Variants in E2F1 observed in about 807,000 individuals in gnomAD.
E2F1 encodes the protein E2F transcription factor 1, also known as transcription factor E2F1.
Under a neutral mutation model 36.9 loss-of-function variants are expected in E2F1, and 7 were observed. That is an observed-to-expected ratio of 0.19 (90% CI 0.11 to 0.36). The LOEUF (loss-of-function observed/expected upper bound fraction) is 0.36. Among genes scored for constraint, E2F1 ranks in the 10% least tolerant of loss-of-function variants. The pLI, the probability that E2F1 is intolerant of heterozygous loss-of-function variation, is 1.00. For missense variants in E2F1, 406 were observed against 573.6 expected (o/e 0.71, Z 2.99); for synonymous variants, 261 against 263.1 (o/e 0.99, Z 0.08).
Position 33,676,423 on chromosome 20 carries a change from CACAG to C in E2F1, c.*305_*308del. The C allele has an allele frequency of 3.1e-6, 1 of 317,738 alleles. No individual in the cohort carries two copies. Among genetic ancestry groups the C allele is most frequent in the East Asian group, 6.2e-5 (1 of 16,242 alleles). The allele number at this position is 317,738 out of a possible 1,614,324, so 19.7% of individuals were successfully genotyped here. ...CACTGGGGCGTGTCTGCAGTGCACA[CACAG>C]AGGTGTATGTTCACCTTCATTCCCC... On this transcript the variant is annotated 3_prime_UTR_variant, in exon 7 of 7. Coordinates refer to ENST00000343380, the MANE Select transcript of E2F1 (RefSeq NM_005225.3).
In E2F1 at chr20:33,679,248, A is replaced by T. The variant is rs1278827917; in HGVS notation, c.572+507T>A. On this transcript the variant is annotated intron_variant, in intron 3 of 6. Transcript: ENST00000343380. The surrounding 1 kb of genome is among the most constrained non-coding windows in gnomAD (Gnocchi z 4.6). ...TGAATGGTGGCAACCCAGATGAATAAATATATAAAGCTGCGCGGGGCGCAG... is the reference window on the plus strand; with the variant it reads ...TGAATGGTGGCAACCCAGATGAATATATATATAAAGCTGCGCGGGGCGCAG... Among the ~76,000 whole-genome samples the T allele has an allele frequency of 6.6e-6, 1 of 152,190 alleles. No individual in the cohort carries two copies. Among genetic ancestry groups the T allele is most frequent in the African/African-American group, 2.4e-5 (1 of 41,464 alleles).
rs1320776029 is a variant in E2F1, at chr20:33,680,435, G to A, written c.262-19C>T. ...GCTTCACCTGTGGCGAAAACGGGAG[G>A]ATGCCCAGTAACCAGGAGTGAGGCC... On this transcript the variant is annotated intron_variant, in intron 1 of 6. Transcript: ENST00000343380. The A allele has an allele frequency of 6.2e-7, 1 of 1,611,176 alleles. No individual in the cohort carries two copies. The highest frequency in any genetic ancestry group is 1.7e-5 in the Admixed American group (1 of 59,752).
chr20:33,683,836 A>C (rs992207332), intron 1 of E2F1, among the ~76,000 whole-genome samples: 13 of 152,234 alleles, frequency 8.5e-5, no homozygotes, highest in Admixed American at 7.9e-4. Context: ...TATTATAGTT[A>C]TAATACTTGA....
chr20:33,681,559 G>A (rs929612845), intron 1 of E2F1, among the ~76,000 whole-genome samples: 3 of 152,060 alleles, frequency 2.0e-5, no homozygotes, highest in Non-Finnish European at 2.9e-5. Context: ...TACCCAAGAC[G>A]GTCTGAGGAA....
At chr20:33,685,935 C>G (rs1433693549) in intron 1 of E2F1, 69 bp downstream of exon 1, 1 of 1,076,174 alleles carries the variant, frequency 9.3e-7, no homozygotes, top group East Asian at 6.1e-5. Flanking sequence ...AGGCCAAACA[C>G]GGCGCCCTCC....
intron 1 of E2F1, among the ~76,000 whole-genome samples, chr20:33,684,217 C>G (rs1421036539): frequency 1.3e-5 from 2 of 152,212 alleles, no homozygotes; most frequent in Non-Finnish European, 2.9e-5. Context: ...GATCCTAGAA[C>G]CCATAATCCT....
At position 33,676,452 on chromosome 20, in the gene E2F1, C is replaced by T. The variant is rs541170955; in HGVS notation, c.*280G>A. ...GAGGTGTATGTTCACCTTCATTCCC[C>T]GGTACATGCACACACACATGCTCAC... On this transcript the variant is annotated 3_prime_UTR_variant, in exon 7 of 7. Coordinates refer to ENST00000343380, the MANE Select transcript of E2F1 (RefSeq NM_005225.3). The T allele has an allele frequency of 4.8e-5, 19 of 396,980 alleles. No homozygotes were observed. Among genetic ancestry groups the T allele is most frequent in the African/African-American group, 3.1e-4 (15 of 48,890 alleles). The allele number at this position is 396,980 out of a possible 1,614,324, so 24.6% of individuals were successfully genotyped here. A position where few individuals can be genotyped will look rare whatever the true frequency, so the allele number is the denominator to read the frequency against.
chr20:33,683,450 CAAA>C (rs60838396), intron 1 of E2F1, among the ~76,000 whole-genome samples: 6 of 54,758 alleles, frequency 1.1e-4, no homozygotes, highest in African/African-American at 1.1e-4. Context: ...GACTTCATCT[CAAA>C]AAAAAAAAAA....
rs780712505 is a variant in E2F1 at position 33,679,738 on chromosome 20, G to A, written c.572+17C>T. Reference sequence around the variant, plus strand: ...CATGGGCAGGTGTGCCTGCCCTCCTGTGTGGCCGGTACCTACAGCCACTGG... The same window carrying A: ...CATGGGCAGGTGTGCCTGCCCTCCTATGTGGCCGGTACCTACAGCCACTGG... On this transcript the variant is annotated intron_variant, in intron 3 of 6. Coordinates refer to ENST00000343380, the MANE Select transcript of E2F1 (RefSeq NM_005225.3). The surrounding 1 kb of genome is among the most constrained non-coding windows in gnomAD (Gnocchi z 4.6). The A allele has an allele frequency of 8.1e-6, 13 of 1,611,118 alleles. No individual in the cohort carries two copies. In the South Asian group the frequency reaches 1.4e-4, roughly 18 times the overall value.
chr20:33,685,422 T>A (rs1330934196), intron 1 of E2F1, among the ~76,000 whole-genome samples: 1 of 150,712 alleles, frequency 6.6e-6, no homozygotes, highest in East Asian at 2.0e-4. Flanking sequence ...GGAAGGAGGG[T>A]CTCCTCAATG....
At chr20:33,683,409 C>T (rs1275826004) in intron 1 of E2F1, among the ~76,000 whole-genome samples, 1 of 147,764 alleles carries the variant, frequency 6.8e-6, no homozygotes, top group Non-Finnish European at 1.5e-5. Context: ...CGAGATGGCG[C>T]CACTGTACTC....
intron 3 of E2F1, among the ~76,000 whole-genome samples, chr20:33,678,849 G>A (rs2017991471): frequency 6.6e-6 from 1 of 152,134 alleles, no homozygotes; most frequent in South Asian, 2.1e-4. Flanking sequence ...CTAGCTACAG[G>A]TACGGAGCTT....
Position 33,675,813 on chromosome 20 carries a change from C to T in E2F1, c.*919G>A, listed in dbSNP as rs771540812. On this transcript the variant is annotated 3_prime_UTR_variant, in exon 7 of 7. Transcript: ENST00000343380. ...GCGCTTCAGACACTGCAGGAGGGAC[C>T]ACAGGGTCTGGGCTGGGGGAGGCCT... The T allele has an allele frequency of 5.3e-6, 1 of 187,050 alleles. No homozygotes were observed. The highest frequency in any genetic ancestry group is 1.9e-4 in the South Asian group (1 of 5,136). The allele number at this position is 187,050 out of a possible 1,614,324, so 11.6% of individuals were successfully genotyped here.
At chr20:33,683,350 C>T (rs904085923) in intron 1 of E2F1, among the ~76,000 whole-genome samples, 8 of 149,442 alleles carry the variant, frequency 5.4e-5, no homozygotes, top group Non-Finnish European at 1.5e-5. Flanking sequence ...ACTCGGGAGG[C>T]TGAGGCAGAA....
Position 33,680,207 on chromosome 20 carries a change from T to G in E2F1, c.352+119A>C, listed in dbSNP as rs3213167. ...CCACTCCAACTGCCCATCAGGGTCCTCAGAGGCCTGGCTCAAGCCCGACAA... is the reference window on the plus strand; with the variant it reads ...CCACTCCAACTGCCCATCAGGGTCCGCAGAGGCCTGGCTCAAGCCCGACAA... On this transcript the variant is annotated intron_variant, in intron 2 of 6. Coordinates refer to ENST00000343380, the MANE Select transcript of E2F1 (RefSeq NM_005225.3). The G allele has an allele frequency of 2.0e-3, 2,398 of 1,193,240 alleles. 37 individuals are homozygous for G. The African/African-American group carries it at 0.033, about 16-fold the overall frequency. The allele number at this position is 1,193,240 out of a possible 1,614,324, so 73.9% of individuals were successfully genotyped here. A position where few individuals can be genotyped will look rare whatever the true frequency, so the allele number is the denominator to read the frequency against.
chr20:33,683,450 CAAAA>C (rs60838396), intron 1 of E2F1, among the ~76,000 whole-genome samples: 34 of 54,752 alleles, frequency 6.2e-4, no homozygotes, highest in African/African-American at 1.8e-3. Context: ...GACTTCATCT[CAAAA>C]AAAAAAAAAA....
chr20:33,686,374 C>G lies in E2F1; in HGVS notation c.-110G>C. On this transcript the variant is annotated 5_prime_UTR_variant, in exon 1 of 7. Coordinates refer to ENST00000343380, the MANE Select transcript of E2F1 (RefSeq NM_005225.3). Reference sequence around the variant, plus strand: ...CCGCTCCGCCCCCGGCCGCCGCTGCCTGCAAAGTCCCGGCCACTTTTACGC... The same window carrying G: ...CCGCTCCGCCCCCGGCCGCCGCTGCGTGCAAAGTCCCGGCCACTTTTACGC... 5 of 915,714 alleles carry G rather than the reference C, an allele frequency of 5.5e-6. No individual in the cohort carries two copies. Among genetic ancestry groups the G allele is most frequent in the Non-Finnish European group, 6.5e-6 (5 of 765,426 alleles). 56.7% of individuals were successfully genotyped at this position (915,714 alleles called of 1,614,324 possible).
chr20:33,680,122 T>C, intron 2 of E2F1, 148 bp from the exon 3 acceptor site: 2 of 913,560 alleles, frequency 2.2e-6, no homozygotes, highest in Non-Finnish European at 3.4e-6. Flanking sequence ...AACCACAGCA[T>C]TCTTCTTCTG....
chr20:33,676,316 G>T lies in E2F1; in HGVS notation c.*416C>A. ...AGCAGGCACTGCCCTGGGCCTTGTGGGACCCCCAGAGCAAAAGGGCCGAAA... is the reference window on the plus strand; with the variant it reads ...AGCAGGCACTGCCCTGGGCCTTGTGTGACCCCCAGAGCAAAAGGGCCGAAA... On this transcript the variant is annotated 3_prime_UTR_variant, in exon 7 of 7. Transcript: ENST00000343380. 1 of 162,740 alleles carries T rather than the reference G, an allele frequency of 6.1e-6. No individual in the cohort carries two copies. 10.1% of individuals were successfully genotyped at this position (162,740 alleles called of 1,614,324 possible).
Sources: allele counts gnomAD v4.1 joint callset (sites outside exome capture counted in the v4.1 genomes callset), GRCh38; gene constraint gnomAD v4.1.1; non-coding constraint Gnocchi (gnomAD v3.1); transcripts MANE v1.5; gene names NCBI Gene and HGNC (gene_info 2026-07-23, HGNC 2026-07-21).